Variants in MSR1 observed in about 807,000 individuals in gnomAD.
MSR1 encodes the protein macrophage scavenger receptor types I and II.
MSR1 carries 53 observed loss-of-function variants against 47.2 expected under a neutral mutation model. That is an observed-to-expected ratio of 1.12 (90% CI 0.90 to 1.41). MSR1 has a LOEUF of 1.41. Ranked by LOEUF, MSR1 falls within the 40% of genes most tolerant of loss-of-function variation. MSR1 has a pLI of 0.00. For synonymous variants in MSR1, 239 were observed against 185.6 expected (o/e 1.29, Z -2.34); for missense variants, 786 against 546.9 (o/e 1.44, Z -4.36).
rs989390516 is a variant in MSR1, at chr8:16,108,266, AAAT to A, written c.*1816_*1818del. ...AAAGGTAAATTTTATTTTAAAATAAAAATAGTAATAGTAATAGTACTATTATTA... is the reference window on the plus strand; with the variant it reads ...AAAGGTAAATTTTATTTTAAAATAAAAGTAATAGTAATAGTACTATTATTA... On this transcript the variant is annotated 3_prime_UTR_variant, in exon 10 of 10. Coordinates refer to ENST00000262101, the MANE Select transcript of MSR1 (RefSeq NM_138715.3). 1.3e-5 allele frequency: 2 copies of A among 150,888 alleles called. No homozygotes were observed. Among genetic ancestry groups the A allele is most frequent in the African/African-American group, 4.9e-5 (2 of 41,148 alleles). The allele number at this position is 150,888 out of a possible 1,614,324, so 9.3% of individuals were successfully genotyped here.
At chr8:16,122,799 T>C (rs547918640) in intron 8 of MSR1, among the ~76,000 whole-genome samples, 3 of 151,750 alleles carry the variant, frequency 2.0e-5, no homozygotes, top group Non-Finnish European at 2.9e-5. Flanking sequence ...AAATTCCGTA[T>C]GCTCAAGGGA....
At chr8:16,118,193 T>C (rs1799920920) in intron 9 of MSR1, among the ~76,000 whole-genome samples, 1 of 152,156 alleles carries the variant, frequency 6.6e-6, no homozygotes, top group South Asian at 2.1e-4. Flanking sequence ...TACTTCATTT[T>C]GTCAACAAAA....
chr8:16,185,300 C>T (rs184775980), intron 1 of MSR1, among the ~76,000 whole-genome samples: 1 of 152,184 alleles, frequency 6.6e-6, no homozygotes, highest in Admixed American at 6.6e-5. Context: ...TGCCTGTGTC[C>T]TGATCAAGCC....
At chr8:16,165,414 T>G (rs1030259381) in intron 4 of MSR1, among the ~76,000 whole-genome samples, 1 of 152,136 alleles carries the variant, frequency 6.6e-6, no homozygotes, top group Non-Finnish European at 1.5e-5. Flanking sequence ...GATTAATGTT[T>G]ATTAATTTTT....
intron 4 of MSR1, among the ~76,000 whole-genome samples, chr8:16,166,932 G>T (rs527274376): frequency 1.1e-5 from 1 of 92,852 alleles, no homozygotes; most frequent in Admixed American, 1.4e-4. Context: ...AGTGTACACA[G>T]GAGTACACAC....
rs149258734 is a variant in MSR1 at position 16,177,912 on chromosome 8, C to T, written c.77G>A (p.Arg26His). Residue 26 changes from arginine (R) to histidine (H), a missense_variant, in exon 2 of 10, where the codon CGC becomes CAC. Transcript: ENST00000262101. ...CGGAGGAAGCAAAGCTGTCATTGAG[C>T]GAGCATCAAATTTCACAGATTCGGA... Reference protein sequence around the residue: ...SCSESVKFDARSMTALLPPNP... With the variant: ...SCSESVKFDAHSMTALLPPNP... The T allele has an allele frequency of 2.1e-4, 339 of 1,613,676 alleles. No individual in the cohort carries two copies. Among genetic ancestry groups the T allele is most frequent in the Non-Finnish European group, 2.7e-4 (317 of 1,179,852 alleles).
intron 5 of MSR1, among the ~76,000 whole-genome samples, chr8:16,159,709 C>A (rs550145282): frequency 1.3e-5 from 2 of 151,688 alleles, no homozygotes; most frequent in African/African-American, 2.4e-5. Flanking sequence ...ACACTGTTCT[C>A]GAAGAGAATA....
chr8:16,145,856 T>A (rs182001555), intron 7 of MSR1, among the ~76,000 whole-genome samples: 1 of 152,160 alleles, frequency 6.6e-6, no homozygotes, highest in East Asian at 1.9e-4. Context: ...TTCAGAATGA[T>A]ACCTTTGGTT....
intron 4 of MSR1, among the ~76,000 whole-genome samples, chr8:16,164,714 A>G (rs1801257190): frequency 6.6e-6 from 1 of 152,048 alleles, no homozygotes; most frequent in African/African-American, 2.4e-5. Flanking sequence ...GGTGATGATC[A>G]TTGACAATAG....
In MSR1 at chr8:16,160,654, A is replaced by C. The variant is rs74509170; in HGVS notation, c.817+3411T>G. ...GGGGAGTTTAGAATAAGAATGGTGG[A>C]AAGTGGAGGAGGTAACTTCAAGTGG... On this transcript the variant is annotated intron_variant, in intron 5 of 9. Transcript: ENST00000262101. Among the ~76,000 whole-genome samples, 603 of 152,146 alleles carry C rather than the reference A, an allele frequency of 4.0e-3. 25 individuals carry two copies. In the East Asian group the frequency reaches 0.097, roughly 25 times the overall value.
chr8:16,192,563 A>C (rs1006714632), intron 1 of MSR1, 35 bp downstream of exon 1: 5 of 152,120 alleles, frequency 3.3e-5, no homozygotes, highest in African/African-American at 1.2e-4. Context: ...ACAATTCTGG[A>C]AAAAACATTA....
At chr8:16,175,122 T>C (rs562782647) in intron 3 of MSR1, 65 bp downstream of exon 3, 34 of 1,297,024 alleles carry the variant, frequency 2.6e-5, no homozygotes, top group South Asian at 2.6e-4. Context: ...ATGCTTCTTT[T>C]TTGCTTTGGC....
At chr8:16,122,017 T>A (rs1240691486) in intron 8 of MSR1, among the ~76,000 whole-genome samples, 3 of 152,004 alleles carry the variant, frequency 2.0e-5, no homozygotes, top group Non-Finnish European at 4.4e-5. Context: ...GTAATGAAAT[T>A]GAGTGACCTG....
rs59267617 is a variant in MSR1 at position 16,138,696 on chromosome 8, C to G, written c.1033+4862G>C. 3.8e-3 allele frequency among the ~76,000 whole-genome samples: 581 copies of G among 152,194 alleles called. 5 individuals carry two copies. Among genetic ancestry groups the G allele is most frequent in the African/African-American group, 0.013 (551 of 41,552 alleles). ...CTCATACTCTACCTGACTTGCAGTGCAGAATGGGACAGGAGGTCTCACAAA... is the reference window on the plus strand; with the variant it reads ...CTCATACTCTACCTGACTTGCAGTGGAGAATGGGACAGGAGGTCTCACAAA... On this transcript the variant is annotated intron_variant, in intron 8 of 9. Coordinates refer to ENST00000262101, the MANE Select transcript of MSR1 (RefSeq NM_138715.3).
intron 8 of MSR1, among the ~76,000 whole-genome samples, chr8:16,123,983 A>G (rs1740924379): frequency 1.3e-5 from 2 of 152,272 alleles, no homozygotes; most frequent in Admixed American, 1.3e-4. Context: ...GTCTGTTAAC[A>G]GCTCCTAAGT....
chr8:16,133,561 C>T (rs180898119), intron 8 of MSR1, among the ~76,000 whole-genome samples: 1 of 152,100 alleles, frequency 6.6e-6, no homozygotes, highest in African/African-American at 2.4e-5. Context: ...CCTAGGTTAC[C>T]ATTCTTTGGC....
intron 1 of MSR1, 113 bp from the exon 2 acceptor site, chr8:16,178,105 T>G: frequency 1.3e-6 from 1 of 763,114 alleles, no homozygotes; most frequent in Non-Finnish European, 2.1e-6. Context: ...CAGTTTTTCT[T>G]TTTTTTTTTT....
intron 1 of MSR1, among the ~76,000 whole-genome samples, chr8:16,186,642 T>G (rs551401827): frequency 6.6e-6 from 1 of 152,012 alleles, no homozygotes; most frequent in Admixed American, 6.6e-5. Context: ...CATTTCTTTT[T>G]TTTTTTTTTG....
Position 16,168,499 on chromosome 8 carries a change from G to A in MSR1, c.589C>T (p.Leu197=). Residue 197 remains leucine (L), a synonymous_variant, in exon 4 of 10, where the codon CTG becomes TTG. Coordinates refer to ENST00000262101, the MANE Select transcript of MSR1 (RefSeq NM_138715.3). ...GTATTCTCTTGGATTTTGCCATTCAGATTTTCTATGTTGAGCTGCAAATCA... is the reference window on the plus strand; with the variant it reads ...GTATTCTCTTGGATTTTGCCATTCAAATTTTCTATGTTGAGCTGCAAATCA... ...LLDLQLNIEN[L]NGKIQENTFK... is the part of the protein sequence containing the mutation. The A allele has an allele frequency of 6.2e-7, 1 of 1,614,108 alleles. No individual in the cohort carries two copies. The highest frequency in any genetic ancestry group is 8.5e-7 in the Non-Finnish European group (1 of 1,180,008).
Sources: allele counts gnomAD v4.1 joint callset (sites outside exome capture counted in the v4.1 genomes callset), GRCh38; gene constraint gnomAD v4.1.1; transcripts MANE v1.5; gene names NCBI Gene and HGNC (gene_info 2026-07-23, HGNC 2026-07-21).